The following SGCD variants were observed in gnomAD, a reference collection of about 807,000 sequenced individuals.
The protein encoded by SGCD is delta-sarcoglycan.
A neutral mutation model predicts 36.6 loss-of-function variants in SGCD; 18 were observed. That is an observed-to-expected ratio of 0.49 (90% CI 0.34 to 0.73). The LOEUF is 0.73. Ranked by LOEUF, SGCD falls within the 30% of genes least tolerant of loss-of-function variation. The pLI, the probability that SGCD is intolerant of heterozygous loss-of-function variation, is 0.01. For synonymous variants in SGCD, 133 were observed against 130.6 expected (o/e 1.02, Z -0.12); for missense variants, 387 against 346.7 (o/e 1.12, Z -0.92).
At chr5:155,780,132 AGT>A in the SGCD span, among the ~76,000 whole-genome samples, 1 of 152,148 alleles carries the variant, frequency 6.6e-6, no homozygotes, top group Non-Finnish European at 1.5e-5. Context: ...GCACAGGAAC[AGT>A]GTAAACAAAT....
chr5:156,580,329 C>G (rs1760197544), intron 4 of SGCD, among the ~76,000 whole-genome samples: 1 of 152,194 alleles, frequency 6.6e-6, no homozygotes. Context: ...CAACCGTTCT[C>G]TTTGGCTGCC....
At position 156,054,951 on chromosome 5, in the gene SGCD, A is replaced by AT. The variant is rs1050949022; in HGVS notation, c.-281-62921dup. On this transcript the variant is annotated intron_variant, in intron 1 of 9. Coordinates refer to the SGCD transcript ENST00000517913. ...ACCTGGACAGTGTGCCAGTCATTCT[A>AT]TTTTTTCACTCATTCAGTTTATAGG... Among the ~76,000 whole-genome samples the AT allele has an allele frequency of 2.8e-4, 41 of 145,588 alleles. 7 individuals are homozygous for AT. Among genetic ancestry groups the AT allele is most frequent in the Non-Finnish European group, 4.8e-4 (31 of 64,894 alleles).
intron 1 of SGCD, among the ~76,000 whole-genome samples, chr5:155,879,573 T>C (rs573478089): frequency 1.3e-5 from 2 of 152,290 alleles, no homozygotes; most frequent in Non-Finnish European, 2.9e-5. Flanking sequence ...TTTTTCAGGC[T>C]TCTAAAAAGC....
intron 4 of SGCD, among the ~76,000 whole-genome samples, chr5:156,528,230 C>T (rs1757723144): frequency 6.6e-6 from 1 of 152,082 alleles, no homozygotes; most frequent in Admixed American, 6.6e-5. Context: ...TTCTGTGCCT[C>T]ACTTTACTCC....
chr5:155,925,943 T>C (rs1218324613), intron 1 of SGCD, among the ~76,000 whole-genome samples: 1 of 151,954 alleles, frequency 6.6e-6, no homozygotes, highest in East Asian at 1.9e-4. Context: ...TGTTTTGTTT[T>C]GTAGAGACAG....
intron 3 of SGCD, among the ~76,000 whole-genome samples, chr5:156,497,925 C>T (rs899254193): frequency 6.6e-6 from 1 of 152,042 alleles, no homozygotes; most frequent in Non-Finnish European, 1.5e-5. Context: ...AAAAGAAAGC[C>T]AGTAGCTGCC....
At chr5:156,297,921 AC>A (rs1766942741) in intron 3 of SGCD, among the ~76,000 whole-genome samples, 1 of 137,384 alleles carries the variant, frequency 7.3e-6, no homozygotes, top group East Asian at 2.4e-4. Flanking sequence ...TCCCCCGCCC[AC>A]CCCCAATCCC....
the SGCD span, among the ~76,000 whole-genome samples, chr5:155,853,176 A>ATTATTACTGT: frequency 6.7e-6 from 1 of 149,514 alleles, no homozygotes; most frequent in African/African-American, 2.6e-5. Flanking sequence ...GAGATAAAAT[A>ATTATTACTGT]TTATTACTGT....
chr5:156,037,494 C>A lies in SGCD; in HGVS notation c.-281-80384C>A, dbSNP rs10042735. 6.0e-4 allele frequency among the ~76,000 whole-genome samples: 91 copies of A among 152,306 alleles called. 1 individual carries two copies. Among genetic ancestry groups the A allele is most frequent in the African/African-American group, 2.1e-3 (87 of 41,556 alleles). ...TAATTCCCTAAACTCTGTAAGCAGG[C>A]AATTTGGCCTGTCAAATTGACCTAA... On this transcript the variant is annotated intron_variant, in intron 1 of 9. Transcript: ENST00000517913.
At chr5:156,199,892 T>C (rs761656739) in intron 3 of SGCD, among the ~76,000 whole-genome samples, 2 of 152,114 alleles carry the variant, frequency 1.3e-5, no homozygotes, top group Non-Finnish European at 2.9e-5. Context: ...TGTCCACTCT[T>C]AGGGCCTCAT....
chr5:156,073,184 TA>T (rs1034869180), intron 1 of SGCD, among the ~76,000 whole-genome samples: 3 of 152,140 alleles, frequency 2.0e-5, no homozygotes, highest in Non-Finnish European at 4.4e-5. Flanking sequence ...AACTTGCTTG[TA>T]AAAAATGACA....
intron 3 of SGCD, among the ~76,000 whole-genome samples, chr5:156,128,304 A>C (rs1762229506): frequency 6.6e-6 from 1 of 152,218 alleles, no homozygotes; most frequent in South Asian, 2.1e-4. Context: ...GTAATGTTCC[A>C]ATCACTTTGA....
intron 1 of SGCD, among the ~76,000 whole-genome samples, chr5:156,060,240 C>A (rs1039646349): frequency 1.4e-5 from 2 of 146,102 alleles, no homozygotes; most frequent in East Asian, 3.9e-4. Context: ...AATGTGGAGA[C>A]CAAACTGAGA....
rs552947211 is a variant in SGCD, at chr5:156,061,336, C to T, written c.-281-56542C>T. ...ACAAAACAGAGCTAGACAAAAGAAA[C>T]AGAGACAGGGAGTTAATTAAATTTC... On this transcript the variant is annotated intron_variant, in intron 1 of 9. Transcript: ENST00000517913. Among the ~76,000 whole-genome samples the T allele has an allele frequency of 5.8e-4, 85 of 146,040 alleles. 6 individuals are homozygous for T. The highest frequency in any genetic ancestry group is 2.0e-3 in the African/African-American group (83 of 40,712).
At chr5:156,746,823 G>C (rs1487756487) in intron 7 of SGCD, among the ~76,000 whole-genome samples, 1 of 151,848 alleles carries the variant, frequency 6.6e-6, no homozygotes. Context: ...ATTAGACAAG[G>C]CACAAAAGTA....
At chr5:156,610,242 T>C (rs1001282378) in intron 6 of SGCD, among the ~76,000 whole-genome samples, 2 of 152,196 alleles carry the variant, frequency 1.3e-5, no homozygotes, top group African/African-American at 4.8e-5. Flanking sequence ...CCTTTCTGTT[T>C]GTTAGTTTTC....
chr5:155,750,110 A>C, the SGCD span, among the ~76,000 whole-genome samples: 1 of 152,216 alleles, frequency 6.6e-6, no homozygotes, highest in African/African-American at 2.4e-5. Context: ...TTAAAAGTTT[A>C]GTCTGTCTGG....
the SGCD span, among the ~76,000 whole-genome samples, chr5:155,799,581 A>G: frequency 6.6e-6 from 1 of 151,586 alleles, no homozygotes; most frequent in East Asian, 1.9e-4. Context: ...TTTTTAGTAG[A>G]GATGGGGTTT....
In SGCD at chr5:156,061,949, T is replaced by C. The variant is rs1185042611; in HGVS notation, c.-281-55929T>C. The stretch of plus-strand genomic sequence containing the variant: ...TTTTTTTTTTTTTTTTTTTTTATTA[T>C]ACTCTAAGTTTTAGGGTACATGTGC... On this transcript the variant is annotated intron_variant, in intron 1 of 9. Coordinates refer to the SGCD transcript ENST00000517913. Among the ~76,000 whole-genome samples the C allele has an allele frequency of 9.4e-5, 10 of 106,866 alleles. 1 individual carries two copies. The highest frequency in any genetic ancestry group is 9.2e-4 in the Admixed American group (10 of 10,904). 70.1% of individuals were successfully genotyped at this position (106,866 alleles called of 152,430 possible).
Sources: allele counts gnomAD v4.1 joint callset (sites outside exome capture counted in the v4.1 genomes callset), GRCh38; gene constraint gnomAD v4.1.1; transcripts MANE v1.5; gene names NCBI Gene and HGNC (gene_info 2026-07-23, HGNC 2026-07-21).